The following ROR2 variants were observed in gnomAD, a reference collection of about 807,000 sequenced individuals.
ROR2 encodes the protein ROR family WNT receptor 2.
Under a neutral mutation model 74.9 loss-of-function variants are expected in ROR2, and 33 were observed. The ratio of observed to expected loss-of-function variants is 0.44; its 90% confidence interval spans 0.33 to 0.59. The LOEUF (loss-of-function observed/expected upper bound fraction) is 0.59. ROR2 is among the 20% of genes least tolerant of loss of function. ROR2 has a pLI of 0.02. For missense variants in ROR2, 1,216 were observed against 1,313.8 expected, an observed-to-expected ratio of 0.93 and a Z score of 1.15; for synonymous variants, 586 against 558.7, an observed-to-expected ratio of 1.05 and a Z score of -0.69.
At chr9:91,737,868 G>C (rs958355872) in intron 4 of ROR2, among the ~76,000 whole-genome samples, 7 of 152,168 alleles carry the variant, frequency 4.6e-5, no homozygotes, top group Non-Finnish European at 1.0e-4. Context: ...TAGGTGAAAA[G>C]AGCCAATCTG....
intron 1 of ROR2, among the ~76,000 whole-genome samples, chr9:91,940,995 C>CT (rs11321454): frequency 0.016 from 1,725 of 110,724 alleles, 20 homozygotes; most frequent in Non-Finnish European, 0.018. Context: ...ATTTTTAATT[C>CT]TTTTTTTTTT....
chr9:91,727,907 T>G (rs928400501), intron 7 of ROR2, among the ~76,000 whole-genome samples: 1 of 152,126 alleles, frequency 6.6e-6, no homozygotes, highest in Admixed American at 6.5e-5. Flanking sequence ...CTCCCCCAAA[T>G]AAGAAGAAAT....
In ROR2 at chr9:91,876,769, A is replaced by T. The variant is rs1412613402; in HGVS notation, c.97+73098T>A. On this transcript the variant is annotated intron_variant, in intron 1 of 8. Transcript: ENST00000375708. ...ATAGGATTCCAACATTAAAAGGAAA[A>T]TTCAACTGTAGGATTGAAAGATAAA... Among the ~76,000 whole-genome samples the T allele has an allele frequency of 2.6e-5, 4 of 152,224 alleles. No individual in the cohort carries two copies. In the East Asian group the frequency reaches 7.7e-4, roughly 29 times the overall value.
intron 4 of ROR2, among the ~76,000 whole-genome samples, chr9:91,752,967 C>A (rs1825635828): frequency 6.6e-6 from 1 of 152,170 alleles, no homozygotes; most frequent in South Asian, 2.1e-4. Context: ...CTATAAAATT[C>A]TTTCAACCGT....
At chr9:91,934,741 T>C (rs532104675) in intron 1 of ROR2, among the ~76,000 whole-genome samples, 1 of 152,222 alleles carries the variant, frequency 6.6e-6, no homozygotes, top group South Asian at 2.1e-4. Flanking sequence ...GAGCTCAGAG[T>C]TTAGAAAACA....
intron 1 of ROR2, among the ~76,000 whole-genome samples, chr9:91,796,725 C>T (rs921803680): frequency 3.3e-5 from 5 of 151,168 alleles, no homozygotes; most frequent in African/African-American, 9.8e-5. Context: ...GTGGGGCTGA[C>T]ACCCTGGGCT....
At chr9:91,739,298 G>T (rs891377219) in intron 4 of ROR2, among the ~76,000 whole-genome samples, 1 of 152,080 alleles carries the variant, frequency 6.6e-6, no homozygotes, top group African/African-American at 2.4e-5. Flanking sequence ...CTTGAGCCCA[G>T]GAGATCGAGA....
chr9:91,853,817 G>C (rs1829189708), intron 1 of ROR2, among the ~76,000 whole-genome samples: 1 of 152,236 alleles, frequency 6.6e-6, no homozygotes, highest in Non-Finnish European at 1.5e-5. Flanking sequence ...GCTGTGGGCA[G>C]CAAGGACTGT....
intron 4 of ROR2, among the ~76,000 whole-genome samples, chr9:91,751,516 G>A (rs1825594682): frequency 6.6e-6 from 1 of 152,014 alleles, no homozygotes; most frequent in Admixed American, 6.6e-5. Context: ...CACTAAAAGG[G>A]ACTGTAAAAA....
chr9:91,813,409 G>A (rs968862882), intron 1 of ROR2, among the ~76,000 whole-genome samples: 4 of 152,194 alleles, frequency 2.6e-5, no homozygotes, highest in Non-Finnish European at 4.4e-5. Flanking sequence ...TGTTTAAACA[G>A]TAACCAGATT....
chr9:91,827,007 A>G (rs929815732), intron 1 of ROR2, among the ~76,000 whole-genome samples: 17 of 152,206 alleles, frequency 1.1e-4, no homozygotes, highest in African/African-American at 4.1e-4. Context: ...AGACAAGACC[A>G]TTATTAAAGC....
At chr9:91,744,267 C>G (rs959780303) in intron 4 of ROR2, among the ~76,000 whole-genome samples, 3 of 125,826 alleles carry the variant, frequency 2.4e-5, no homozygotes, top group African/African-American at 9.4e-5. Context: ...TGTCGCTCGC[C>G]CAGGCTGGAG....
intron 8 of ROR2, 111 bp from the exon 9 acceptor site, chr9:91,725,218 C>T: frequency 6.3e-7 from 1 of 1,581,374 alleles, no homozygotes; most frequent in Non-Finnish European, 8.6e-7. Context: ...CTAGGGGGGC[C>T]TTGCAGAAGA....
chr9:91,810,356 G>T (rs776668374), intron 1 of ROR2, among the ~76,000 whole-genome samples: 1 of 152,184 alleles, frequency 6.6e-6, no homozygotes, highest in Admixed American at 6.5e-5. Context: ...GAAGCCATCA[G>T]CAAATGCCTT....
intron 1 of ROR2, among the ~76,000 whole-genome samples, chr9:91,894,336 A>G (rs1208174524): frequency 2.0e-5 from 3 of 152,190 alleles, no homozygotes; most frequent in South Asian, 4.1e-4. Context: ...TGGCATCATA[A>G]CATGTGTGTC....
rs1192028359 is a variant in ROR2 at position 91,909,856 on chromosome 9, T to TG, written c.97+40010_97+40011insC. On this transcript the variant is annotated intron_variant, in intron 1 of 8. Transcript: ENST00000375708. ...TTTTTAGGTTTGTTTTGTTTTTTTT[T>TG]TTTTTTTTTTTTTTTAGTTTTTTTC... 8.3e-3 allele frequency among the ~76,000 whole-genome samples: 1,037 copies of TG among 125,386 alleles called. 16 individuals carry two copies. The highest frequency in any genetic ancestry group is 0.014 in the Non-Finnish European group (840 of 61,208). 82.3% of individuals were successfully genotyped at this position (125,386 alleles called of 152,430 possible).
chr9:91,911,002 C>G (rs1830965834), intron 1 of ROR2, among the ~76,000 whole-genome samples: 1 of 152,164 alleles, frequency 6.6e-6, no homozygotes, highest in South Asian at 2.1e-4. Flanking sequence ...ATGATGGAAA[C>G]AACTTAGAAC....
intron 4 of ROR2, among the ~76,000 whole-genome samples, chr9:91,750,507 G>A (rs1455239783): frequency 6.6e-6 from 1 of 152,198 alleles, no homozygotes; most frequent in Non-Finnish European, 1.5e-5. Context: ...ACAGCTCCCT[G>A]CACTTGGGAC....
rs779165681 is a variant in ROR2, at chr9:91,724,638, C to A, written c.1856G>T (p.Arg619Leu). ...HHVVHKDLAT[R>L]NVLVYDKLNV... is the part of the protein sequence containing the mutation. ...CAGCTTGTCGTACACTAGCACATTG[C>A]GGGTGGCCAGGTCCTTGTGAACCAC... is the stretch of plus-strand genomic sequence containing the variant. Residue 619 changes from arginine to leucine, a missense_variant, in exon 9 of 9, where the codon CGC becomes CTC. Arg to Leu is a moderately radical substitution (Grantham distance 102, BLOSUM62 -2). Coordinates refer to ENST00000375708, the MANE Select transcript of ROR2 (RefSeq NM_004560.4). 2.5e-6 allele frequency: 4 copies of A among 1,614,208 alleles called. No homozygotes were observed. Among genetic ancestry groups the A allele is most frequent in the Admixed American group, 3.3e-5 (2 of 60,026 alleles).
Sources: allele counts gnomAD v4.1 joint callset (sites outside exome capture counted in the v4.1 genomes callset), GRCh38; gene constraint gnomAD v4.1.1; transcripts MANE v1.5; gene names NCBI Gene and HGNC (gene_info 2026-07-23, HGNC 2026-07-21).